The following GPR19 variants were observed in gnomAD, a reference collection of about 807,000 sequenced individuals.
The protein encoded by GPR19 is G protein-coupled receptor 19, also known as probable G protein-coupled receptor 19.
GPR19 carries 14 observed loss-of-function variants against 28.5 expected under a neutral mutation model. That is an observed-to-expected ratio of 0.49 (90% CI 0.32 to 0.77). The LOEUF (loss-of-function observed/expected upper bound fraction) is 0.77. Ranked by LOEUF, GPR19 falls within the 30% of genes least tolerant of loss-of-function variation. The pLI is 0.03. For synonymous variants in GPR19, 173 were observed against 184.1 expected (o/e 0.94, Z 0.49); for missense variants, 409 against 504.1 (o/e 0.81, Z 1.81).
chr12:12,682,643 G>C (rs1348520051), intron 3 of GPR19, among the ~76,000 whole-genome samples: 1 of 152,112 alleles, frequency 6.6e-6, no homozygotes, highest in African/African-American at 2.4e-5. Flanking sequence ...AAATGCTTAA[G>C]CTAAAAGACT....
At chr12:12,686,266 C>T (rs1176222849) in intron 2 of GPR19, among the ~76,000 whole-genome samples, 1 of 152,200 alleles carries the variant, frequency 6.6e-6, no homozygotes, top group Non-Finnish European at 1.5e-5. Flanking sequence ...ACTGAAGGTC[C>T]TTCCTGGATC....
At chr12:12,681,200 T>TCTCTC (rs1329089302) in intron 3 of GPR19, among the ~76,000 whole-genome samples, 1 of 152,190 alleles carries the variant, frequency 6.6e-6, no homozygotes, top group African/African-American at 2.4e-5. Context: ...CTGGTCCTTC[T>TCTCTC]CTCTCCTCTC....
chr12:12,662,496 C>T, intron 3 of GPR19, 26 bp from the exon 4 acceptor site: 1 of 1,550,492 alleles, frequency 6.4e-7, no homozygotes, highest in Non-Finnish European at 8.8e-7. Flanking sequence ...AAGAATGAGG[C>T]CTCCTGTTAA....
At chr12:12,701,725 G>A in the GPR19 span, among the ~76,000 whole-genome samples, 109 of 152,208 alleles carry the variant, frequency 7.2e-4, no homozygotes, top group African/African-American at 2.5e-3. Context: ...GACTCCAGGA[G>A]TTTGAGAGCA....
intron 3 of GPR19, among the ~76,000 whole-genome samples, chr12:12,668,679 G>GAAAAA (rs10666505): frequency 1.4e-5 from 2 of 147,096 alleles, no homozygotes. Context: ...TGATTTGGTT[G>GAAAAA]AAAAAAAAAA....
At chr12:12,700,371 TTTG>T (rs1195572164), upstream of GPR19, among the ~76,000 whole-genome samples, 2 of 150,982 alleles carry the variant, frequency 1.3e-5, no homozygotes, top group Non-Finnish European at 3.0e-5. Context: ...TTGTTGTTGT[TTTG>T]TTAGACTCTC....
intron 3 of GPR19, among the ~76,000 whole-genome samples, chr12:12,676,958 C>T (rs756198108): frequency 6.6e-6 from 1 of 152,144 alleles, no homozygotes. Flanking sequence ...ACTAGACTTA[C>T]TAAAGTCAAA....
chr12:12,710,354 C>CA, the GPR19 span, among the ~76,000 whole-genome samples: 49,596 of 132,764 alleles, frequency 0.37, 9,488 homozygotes, highest in Admixed American at 0.43. Context: ...GCTCCATCTC[C>CA]AAAAAAAAAA....
At chr12:12,697,762 G>A (rs897356634), upstream of GPR19, among the ~76,000 whole-genome samples, 8 of 152,170 alleles carry the variant, frequency 5.3e-5, no homozygotes, top group African/African-American at 1.9e-4. Context: ...ACTAGCCTCT[G>A]GATTTTCTCA....
Position 12,662,178 on chromosome 12 carries a change from G to C in GPR19, c.271C>G (p.His91Asp). The change falls in exon 4 of 4, where the codon CAT becomes GAT. Residue 91 changes from histidine (H) to aspartate (D), a missense_variant. Physicochemically the swap from His to Asp is moderately conservative, Grantham distance 81. Transcript: ENST00000651487. ...FGNSLVCLVI[H>D]RSRRTQSTTN... ...GTAGACTGAGTCCTCCTACTCCTAT[G>C]GATGACCAAACAAACCAGGGAATTG... 1.2e-6 allele frequency: 2 copies of C among 1,614,220 alleles called. No individual in the cohort carries two copies. The highest frequency in any genetic ancestry group is 2.2e-5 in the South Asian group (2 of 91,088).
Position 12,661,974 on chromosome 12 carries a change from T to C in GPR19, c.475A>G (p.Ile159Val), listed in dbSNP as rs762167971. ...ATGGTGTAGAACCGGTCTATGCAGA[T>C]GGAGAGGAGAACGTAGATCTGGACA... is the stretch of plus-strand genomic sequence containing the variant. ...PGVQIYVLLS[I>V]CIDRFYTIVY... The change falls in exon 4 of 4, where the codon ATC becomes GTC. Residue 159 changes from isoleucine to valine, a missense_variant. By Grantham distance (29) the Ile-to-Val change is conservative. Coordinates refer to ENST00000651487, the MANE Select transcript of GPR19 (RefSeq NM_006143.3). The surrounding 1 kb of genome is among the most constrained non-coding windows in gnomAD (Gnocchi z 4.2). 1 of 1,614,086 alleles carries C rather than the reference T, an allele frequency of 6.2e-7. No homozygotes were observed. Among genetic ancestry groups the C allele is most frequent in the Admixed American group, 1.7e-5 (1 of 60,016 alleles).
chr12:12,711,430 T>A, the GPR19 span, among the ~76,000 whole-genome samples: 1 of 152,076 alleles, frequency 6.6e-6, no homozygotes, highest in African/African-American at 2.4e-5. Flanking sequence ...TTCCAGCCCA[T>A]GAGAAAGGGG....
chr12:12,704,339 T>C, the GPR19 span, among the ~76,000 whole-genome samples: 1 of 152,092 alleles, frequency 6.6e-6, no homozygotes, highest in Non-Finnish European at 1.5e-5. Context: ...CTGCCTCTAC[T>C]AAAAATACAA....
upstream of GPR19, among the ~76,000 whole-genome samples, chr12:12,696,826 T>G (rs1946270104): frequency 6.6e-6 from 1 of 152,186 alleles, no homozygotes; most frequent in Non-Finnish European, 1.5e-5. Context: ...GATCGGAGGT[T>G]TAAAACTGGA....
At chr12:12,701,608 T>C in the GPR19 span, among the ~76,000 whole-genome samples, 1 of 152,112 alleles carries the variant, frequency 6.6e-6, no homozygotes, top group Admixed American at 6.5e-5. Context: ...TACCCCTTTC[T>C]CCCAGCTAAA....
At chr12:12,710,632 G>T in the GPR19 span, among the ~76,000 whole-genome samples, 1 of 152,264 alleles carries the variant, frequency 6.6e-6, no homozygotes, top group South Asian at 2.1e-4. Flanking sequence ...GAACTCCTGG[G>T]CTCAAATGGT....
At chr12:12,676,348 A>G (rs891637504) in intron 3 of GPR19, among the ~76,000 whole-genome samples, 6 of 152,238 alleles carry the variant, frequency 3.9e-5, no homozygotes, top group Non-Finnish European at 8.8e-5. Context: ...CTCTATGAGC[A>G]AAAAGTGACA....
chr12:12,676,722 G>A (rs1025004103), intron 3 of GPR19, among the ~76,000 whole-genome samples: 1 of 152,126 alleles, frequency 6.6e-6, no homozygotes, highest in South Asian at 2.1e-4. Context: ...TAGAACCCCC[G>A]AGTGTCCTCT....
chr12:12,704,635 G>T, the GPR19 span, among the ~76,000 whole-genome samples: 1 of 152,192 alleles, frequency 6.6e-6, no homozygotes, highest in Non-Finnish European at 1.5e-5. Context: ...ATTAAATTTG[G>T]TGGGGATTAA....
Sources: gnomAD v4.1 joint callset for allele counts (sites outside exome capture counted in the v4.1 genomes callset) on GRCh38, gnomAD v4.1.1 for gene constraint, Gnocchi (gnomAD v3.1) non-coding constraint, MANE v1.5 for transcripts, NCBI Gene and HGNC (gene_info 2026-07-23, HGNC 2026-07-21) for gene names.